MBOAT2: variants seen among roughly 807,000 people sequenced by gnomAD.
MBOAT2 encodes the protein membrane bound glycerophospholipid O-acyltransferase 2, also known as membrane-bound glycerophospholipid O-acyltransferase 2.
A neutral mutation model predicts 63.4 loss-of-function variants in MBOAT2; 28 were observed. The ratio of observed to expected loss-of-function variants is 0.44; its 90% CI spans 0.33 to 0.61. The LOEUF (loss-of-function observed/expected upper bound fraction) is 0.61. MBOAT2 is among the 20% of genes least tolerant of loss of function. MBOAT2 has a pLI of 0.03. For synonymous variants in MBOAT2, 211 were observed against 215.6 expected (o/e 0.98, Z 0.19); for missense variants, 470 against 605.8 (o/e 0.78, Z 2.35).
At chr2:8,880,461 A>T (rs957070600) in intron 6 of MBOAT2, among the ~76,000 whole-genome samples, 1 of 152,214 alleles carries the variant, frequency 6.6e-6, no homozygotes, top group African/African-American at 2.4e-5. Context: ...TGTTTTGAAC[A>T]TGTTCTGTTC....
At chr2:8,951,820 CTT>C (rs1216056344) in intron 2 of MBOAT2, among the ~76,000 whole-genome samples, 1 of 152,146 alleles carries the variant, frequency 6.6e-6, no homozygotes, top group Non-Finnish European at 1.5e-5. Context: ...GATTTTCTCT[CTT>C]TGTTAATCTA....
At chr2:8,947,686 A>T (rs1278929673) in intron 2 of MBOAT2, among the ~76,000 whole-genome samples, 1 of 152,238 alleles carries the variant, frequency 6.6e-6, no homozygotes, top group East Asian at 1.9e-4. Context: ...GCAGCTCTGC[A>T]GCATTGTTTA....
At chr2:8,960,654 A>G (rs186688555) in intron 1 of MBOAT2, among the ~76,000 whole-genome samples, 88 of 152,280 alleles carry the variant, frequency 5.8e-4, no homozygotes, top group Non-Finnish European at 1.0e-3. Context: ...CCTTCCAAGA[A>G]AGAGTATGTC....
At chr2:8,873,886 C>T (rs895239240) in intron 7 of MBOAT2, among the ~76,000 whole-genome samples, 1 of 152,084 alleles carries the variant, frequency 6.6e-6, no homozygotes, top group Non-Finnish European at 1.5e-5. Flanking sequence ...AGCAATAGTG[C>T]GGTAAGGTCG....
rs749450452 is a variant in MBOAT2, at chr2:8,882,574, C to CAA, written c.452-11_452-10dup. 5.6e-6 allele frequency: 9 copies of CAA among 1,613,838 alleles called. No individual in the cohort carries two copies. Among genetic ancestry groups the CAA allele is most frequent in the Non-Finnish European group, 7.6e-6 (9 of 1,179,760 alleles). ...ATCCTTCCGAAACATCCCTGAGAAA[C>CAA]AAAAATAGGTACTCATCAATTAAGA... On this transcript the variant is annotated splice_polypyrimidine_tract_variant and intron_variant, in intron 5 of 12. Transcript: ENST00000305997.
At chr2:8,938,561 G>A (rs578023100) in intron 3 of MBOAT2, among the ~76,000 whole-genome samples, 12 of 148,894 alleles carry the variant, frequency 8.1e-5, no homozygotes, top group Non-Finnish European at 1.2e-4. Flanking sequence ...ATCTCATGCC[G>A]CTGTGTCTCA....
intron 4 of MBOAT2, among the ~76,000 whole-genome samples, chr2:8,903,119 C>A (rs188825625): frequency 5.8e-4 from 88 of 152,182 alleles, no homozygotes; most frequent in African/African-American, 2.1e-3. Flanking sequence ...AGACACAGAG[C>A]GCTGACTGGT....
At chr2:8,910,008 G>C (rs1286223601) in intron 3 of MBOAT2, among the ~76,000 whole-genome samples, 5 of 152,170 alleles carry the variant, frequency 3.3e-5, no homozygotes, top group Admixed American at 3.3e-4. Context: ...CAGACCAGCG[G>C]ATTACAGAAG....
At chr2:8,933,941 T>G (rs899699072) in intron 3 of MBOAT2, among the ~76,000 whole-genome samples, 1 of 152,190 alleles carries the variant, frequency 6.6e-6, no homozygotes, top group African/African-American at 2.4e-5. Context: ...CAGTTTACAA[T>G]TTGAAATAAA....
rs866948073 is a variant in MBOAT2, at chr2:8,854,945, T to A, written c.*3734A>T. On this transcript the variant is annotated 3_prime_UTR_variant, in exon 13 of 13. Transcript: ENST00000305997. ...AATCTGTATAAAATATTTCAGAGCA[T>A]ATATCTTCTCCAATTCCACACAGCA... 6.6e-6 allele frequency: 1 copy of A among 152,218 alleles called. No homozygotes were observed. The allele number at this position is 152,218 out of a possible 1,614,324, so 9.4% of individuals were successfully genotyped here.
At chr2:8,930,270 T>C (rs1667223390) in intron 3 of MBOAT2, among the ~76,000 whole-genome samples, 1 of 152,238 alleles carries the variant, frequency 6.6e-6, no homozygotes, top group African/African-American at 2.4e-5. Flanking sequence ...TAAACGGTGA[T>C]CAAAAAATCT....
rs950809773 is a variant in MBOAT2, at chr2:8,978,568, G to A, written c.76-19926C>T. Among the ~76,000 whole-genome samples, 33 of 151,970 alleles carry A rather than the reference G, an allele frequency of 2.2e-4. 1 individual carries two copies. Among genetic ancestry groups the A allele is most frequent in the Admixed American group, 6.6e-5 (1 of 15,250 alleles). ...TTAACTTGAAAGCATTCCTCTCCAA[G>A]TGCCTAGGTCTATGGGGTAAAAGGC... On this transcript the variant is annotated intron_variant, in intron 1 of 12. Transcript: ENST00000305997.
chr2:8,897,804 T>A (rs896345662), intron 4 of MBOAT2, among the ~76,000 whole-genome samples: 1 of 152,206 alleles, frequency 6.6e-6, no homozygotes, highest in African/African-American at 2.4e-5. Context: ...TGGTTCCCCA[T>A]CCTCTGGGAG....
chr2:8,987,125 A>T (rs1671625629), intron 1 of MBOAT2, among the ~76,000 whole-genome samples: 1 of 152,260 alleles, frequency 6.6e-6, no homozygotes, highest in Admixed American at 6.5e-5. Flanking sequence ...ATACTAATGA[A>T]ACATGTAAAC....
chr2:8,953,062 G>T (rs1316469628), intron 2 of MBOAT2, among the ~76,000 whole-genome samples: 2 of 152,112 alleles, frequency 1.3e-5, no homozygotes, highest in African/African-American at 4.8e-5. Flanking sequence ...GCTTTACAGG[G>T]TCTGTGGGCT....
At chr2:8,876,488 T>G (rs1393409724) in intron 7 of MBOAT2, among the ~76,000 whole-genome samples, 1 of 152,238 alleles carries the variant, frequency 6.6e-6, no homozygotes, top group Non-Finnish European at 1.5e-5. Flanking sequence ...AATATCTTTA[T>G]CATATTACTA....
At chr2:8,974,179 G>C (rs1670658600) in intron 1 of MBOAT2, among the ~76,000 whole-genome samples, 1 of 152,180 alleles carries the variant, frequency 6.6e-6, no homozygotes, top group Non-Finnish European at 1.5e-5. Context: ...TGTGTTTTAA[G>C]AAAAGCTAGA....
chr2:8,982,312 T>C (rs541458963), intron 1 of MBOAT2, among the ~76,000 whole-genome samples: 2 of 152,142 alleles, frequency 1.3e-5, no homozygotes, highest in Non-Finnish European at 2.9e-5. Flanking sequence ...CACAAAAAAA[T>C]ATTTCTCATT....
intron 4 of MBOAT2, among the ~76,000 whole-genome samples, chr2:8,899,711 C>A (rs1664767949): frequency 6.6e-6 from 1 of 152,206 alleles, no homozygotes; most frequent in East Asian, 1.9e-4. Flanking sequence ...TTGTAAACCA[C>A]ACTCTTAACA....
Sources: gnomAD v4.1 joint callset for allele counts (sites outside exome capture counted in the v4.1 genomes callset) on GRCh38, gnomAD v4.1.1 for gene constraint, MANE v1.5 for transcripts, NCBI Gene and HGNC (gene_info 2026-07-23, HGNC 2026-07-21) for gene names.